CNTNAP2: variants seen among roughly 807,000 people sequenced by gnomAD.
CNTNAP2 encodes contactin-associated protein-like 2.
In CNTNAP2, 98 loss-of-function variants were observed where a neutral mutation model predicts 155.2. The ratio of observed to expected loss-of-function variants is 0.63; its 90% confidence interval spans 0.54 to 0.75. The LOEUF (loss-of-function observed/expected upper bound fraction) is 0.75, where lower values mean the gene tolerates loss of function less well. Ranked by LOEUF, CNTNAP2 falls within the 30% of genes least tolerant of loss-of-function variation. The pLI is 0.00. For missense variants in CNTNAP2, 1,727 were observed against 1,688.1 expected, an observed-to-expected ratio of 1.02 and a Z score of -0.40; for synonymous variants, 651 against 631.2, an observed-to-expected ratio of 1.03 and a Z score of -0.47.
At chr7:147,404,576 A>G (rs1373960252) in intron 10 of CNTNAP2, among the ~76,000 whole-genome samples, 1 of 152,176 alleles carries the variant, frequency 6.6e-6, no homozygotes, top group Non-Finnish European at 1.5e-5. Context: ...GCAATTTCTG[A>G]GAAGTCCCAT....
chr7:146,229,396 G>A (rs1799347165), intron 1 of CNTNAP2, among the ~76,000 whole-genome samples: 1 of 152,072 alleles, frequency 6.6e-6, no homozygotes, highest in African/African-American at 2.4e-5. Flanking sequence ...GATGCTACGA[G>A]GACACCCCAT....
chr7:147,411,646 TAAAG>T (rs1313126856), intron 10 of CNTNAP2, among the ~76,000 whole-genome samples: 1 of 152,194 alleles, frequency 6.6e-6, no homozygotes, highest in East Asian at 1.9e-4. Context: ...CTGATTTTCA[TAAAG>T]AAAGTAGGAG....
Position 148,415,431 on chromosome 7 carries a change from G to T in CNTNAP2, c.3811G>T (p.Val1271Leu), listed in dbSNP as rs773493508. 6.3e-5 allele frequency: 101 copies of T among 1,613,824 alleles called. No homozygotes were observed. The highest frequency in any genetic ancestry group is 8.2e-5 in the Non-Finnish European group (97 of 1,180,056). The change falls in exon 24 of 24, where the codon GTG becomes TTG. Residue 1271 changes from valine to leucine, a missense_variant. Physicochemically the swap from Val to Leu is conservative, Grantham distance 32. Transcript: ENST00000361727. ...TTCTCCGTCAGGCGTCATTGCTGTG[G>T]TGATTTTCACCATCCTGTGCACCCT... is the stretch of plus-strand genomic sequence containing the variant. Reference protein sequence around the residue: ...SAIIGGVIAVVIFTILCTLVF... With the variant: ...SAIIGGVIAVLIFTILCTLVF...
At chr7:146,181,174 A>G (rs1412135212) in intron 1 of CNTNAP2, among the ~76,000 whole-genome samples, 1 of 152,168 alleles carries the variant, frequency 6.6e-6, no homozygotes, top group Non-Finnish European at 1.5e-5. Flanking sequence ...CATGATGACT[A>G]TACCCAACTT....
chr7:147,485,538 T>A (rs193075223), intron 10 of CNTNAP2, among the ~76,000 whole-genome samples: 108 of 152,340 alleles, frequency 7.1e-4, no homozygotes, highest in Non-Finnish European at 1.2e-3. Flanking sequence ...TACCCCTCTT[T>A]ACGTCAGTTT....
intron 1 of CNTNAP2, among the ~76,000 whole-genome samples, chr7:146,210,325 C>T (rs1049732560): frequency 1.3e-5 from 2 of 152,108 alleles, no homozygotes; most frequent in African/African-American, 4.8e-5. Context: ...TACACAAAAG[C>T]ACTTAATACA....
intron 16 of CNTNAP2, among the ~76,000 whole-genome samples, chr7:148,126,776 G>A (rs1224986989): frequency 2.6e-5 from 4 of 152,076 alleles, no homozygotes; most frequent in South Asian, 4.2e-4. Flanking sequence ...AGGTGGACGC[G>A]AAGCCGTTTG....
chr7:146,194,222 T>C (rs955404584), intron 1 of CNTNAP2, among the ~76,000 whole-genome samples: 18 of 152,192 alleles, frequency 1.2e-4, no homozygotes, highest in Admixed American at 2.0e-4. Flanking sequence ...CACTCCTCTC[T>C]ACTGGTACCA....
At chr7:146,880,762 T>C (rs1248611938) in intron 3 of CNTNAP2, among the ~76,000 whole-genome samples, 1 of 152,178 alleles carries the variant, frequency 6.6e-6, no homozygotes, top group Non-Finnish European at 1.5e-5. Flanking sequence ...CATTTTGTCA[T>C]CTCTTTGGAA....
At chr7:148,175,834 C>T (rs1006074098) in intron 18 of CNTNAP2, among the ~76,000 whole-genome samples, 14 of 152,040 alleles carry the variant, frequency 9.2e-5, no homozygotes, top group African/African-American at 3.1e-4. Context: ...TCCTTCTCCC[C>T]CTCCTCCCCA....
Position 147,584,463 on chromosome 7 carries a change from G to A in CNTNAP2, c.1897+22206G>A, listed in dbSNP as rs144361334. 3.5e-3 allele frequency among the ~76,000 whole-genome samples: 526 copies of A among 152,272 alleles called. 2 individuals are homozygous for A. Among genetic ancestry groups the A allele is most frequent in the African/African-American group, 0.012 (502 of 41,562 alleles). Reference sequence around the variant, plus strand: ...TCATTTCCTTATTCTGAAATATGTAGTGGATAAATTTAAGTAATATTTTCA... The same window carrying A: ...TCATTTCCTTATTCTGAAATATGTAATGGATAAATTTAAGTAATATTTTCA... On this transcript the variant is annotated intron_variant, in intron 12 of 23. Transcript: ENST00000361727.
chr7:146,705,434 C>G (rs1800945838), intron 1 of CNTNAP2, among the ~76,000 whole-genome samples: 1 of 151,996 alleles, frequency 6.6e-6, no homozygotes, highest in South Asian at 2.1e-4. Context: ...TCTGGGGTAT[C>G]TTTTAAAAAG....
intron 20 of CNTNAP2, among the ~76,000 whole-genome samples, chr7:148,259,928 C>A (rs767487324): frequency 2.6e-5 from 4 of 152,118 alleles, no homozygotes; most frequent in Non-Finnish European, 5.9e-5. Context: ...TTTTAATGAG[C>A]CTCTATTACA....
At chr7:148,290,227 A>T (rs1239084929) in intron 21 of CNTNAP2, among the ~76,000 whole-genome samples, 1 of 152,218 alleles carries the variant, frequency 6.6e-6, no homozygotes, top group Non-Finnish European at 1.5e-5. Context: ...TAGAGGAAAA[A>T]GAAAAACAAA....
chr7:147,376,132 T>C (rs148734120), intron 9 of CNTNAP2, among the ~76,000 whole-genome samples: 1 of 152,208 alleles, frequency 6.6e-6, no homozygotes, highest in African/African-American at 2.4e-5. Flanking sequence ...TGTTAAATTT[T>C]CTCTTACAAA....
At chr7:147,078,846 T>G (rs1161962038) in intron 4 of CNTNAP2, among the ~76,000 whole-genome samples, 1 of 151,988 alleles carries the variant, frequency 6.6e-6, no homozygotes, top group Non-Finnish European at 1.5e-5. Flanking sequence ...GCCTCCCAGA[T>G]TCAAGCAATT....
intron 1 of CNTNAP2, among the ~76,000 whole-genome samples, chr7:146,475,455 G>A (rs1796863563): frequency 6.6e-6 from 1 of 152,114 alleles, no homozygotes; most frequent in African/African-American, 2.4e-5. Context: ...TTGGAAATAG[G>A]CAGAAAAAAA....
At chr7:146,313,118 A>G (rs995549913) in intron 1 of CNTNAP2, among the ~76,000 whole-genome samples, 2 of 152,200 alleles carry the variant, frequency 1.3e-5, no homozygotes, top group African/African-American at 2.4e-5. Context: ...TTTTAGATTT[A>G]CGAGTTACTC....
At chr7:146,973,364 A>C (rs117168797) in intron 3 of CNTNAP2, among the ~76,000 whole-genome samples, 1 of 152,274 alleles carries the variant, frequency 6.6e-6, no homozygotes, top group Non-Finnish European at 1.5e-5. Flanking sequence ...ATAGATACAC[A>C]TGGTTTGTGG....
Sources: allele counts gnomAD v4.1 joint callset (sites outside exome capture counted in the v4.1 genomes callset), GRCh38; gene constraint gnomAD v4.1.1; transcripts MANE v1.5; gene names NCBI Gene and HGNC (gene_info 2026-07-23, HGNC 2026-07-21).